The following PFDN1 variants were observed in gnomAD, a reference collection of about 807,000 sequenced individuals.
The protein encoded by PFDN1 is prefoldin 1.
A neutral mutation model predicts 17.3 loss-of-function variants in PFDN1; 6 were observed. That is an observed-to-expected ratio of 0.35 (90% CI 0.19 to 0.69). The LOEUF (loss-of-function observed/expected upper bound fraction) is 0.69, where lower values mean the gene tolerates loss of function less well. PFDN1 is among the 30% of genes least tolerant of loss of function. The probability of loss-of-function intolerance (pLI) is 0.65; values close to 1 mark genes in which losing one functional copy is unlikely to be tolerated. For missense variants in PFDN1, 113 were observed against 146.2 expected, an observed-to-expected ratio of 0.77 and a Z score of 1.17; for synonymous variants, 58 against 50.1, an observed-to-expected ratio of 1.16 and a Z score of -0.67.
intron 2 of PFDN1, among the ~76,000 whole-genome samples, chr5:140,296,508 CA>C (rs1765656544): frequency 6.6e-6 from 1 of 151,994 alleles, no homozygotes; most frequent in East Asian, 1.9e-4. Flanking sequence ...GAGTCTGCCC[CA>C]GGGGCTGAAA....
chr5:140,255,410 C>A (rs1764971577), intron 3 of PFDN1, among the ~76,000 whole-genome samples: 1 of 152,110 alleles, frequency 6.6e-6, no homozygotes, highest in African/African-American at 2.4e-5. Context: ...ATTTACAGAA[C>A]CCTGGCCGAG....
chr5:140,294,727 A>G (rs1356714489), intron 2 of PFDN1, among the ~76,000 whole-genome samples: 3 of 152,056 alleles, frequency 2.0e-5, no homozygotes, highest in Non-Finnish European at 4.4e-5. Context: ...TCAGGAATAC[A>G]CCTACTGTTT....
chr5:140,267,765 G>C (rs1282522239), intron 3 of PFDN1, among the ~76,000 whole-genome samples: 1 of 143,056 alleles, frequency 7.0e-6, no homozygotes, highest in Non-Finnish European at 1.5e-5. Flanking sequence ...AAAAAAAAAC[G>C]CTAGTCATCA....
At chr5:140,262,809 G>T (rs910700071) in intron 3 of PFDN1, among the ~76,000 whole-genome samples, 1 of 151,490 alleles carries the variant, frequency 6.6e-6, no homozygotes, top group Admixed American at 6.6e-5. Context: ...AACCAAAAAG[G>T]TAAATATTAC....
In PFDN1 at chr5:140,294,363, T is replaced by C. The variant is rs1412271483; in HGVS notation, c.200+6053A>G. Among the ~76,000 whole-genome samples, 3 of 152,186 alleles carry C rather than the reference T, an allele frequency of 2.0e-5. No individual in the cohort carries two copies. In the East Asian group the frequency reaches 5.8e-4, roughly 29 times the overall value. On this transcript the variant is annotated intron_variant, in intron 2 of 3. Coordinates refer to ENST00000261813, the MANE Select transcript of PFDN1 (RefSeq NM_002622.5). ...TTCCTAATCTCTTAGCAATAAAATATAGTATGACCATTTCTTCAGTTTTAA... is the reference window on the plus strand; with the variant it reads ...TTCCTAATCTCTTAGCAATAAAATACAGTATGACCATTTCTTCAGTTTTAA...
At chr5:140,261,975 AC>A (rs1484090174) in intron 3 of PFDN1, among the ~76,000 whole-genome samples, 2 of 151,908 alleles carry the variant, frequency 1.3e-5, no homozygotes, top group African/African-American at 4.8e-5. Flanking sequence ...CCAACTCCAC[AC>A]CCACTAAGTT....
chr5:140,253,289 C>A (rs1764941658), intron 3 of PFDN1, among the ~76,000 whole-genome samples: 1 of 152,150 alleles, frequency 6.6e-6, no homozygotes, highest in Admixed American at 6.5e-5. Flanking sequence ...GACAGACTGA[C>A]ACTGCTACCA....
chr5:140,290,963 T>C (rs1191914456), intron 2 of PFDN1, among the ~76,000 whole-genome samples: 1 of 152,182 alleles, frequency 6.6e-6, no homozygotes, highest in East Asian at 1.9e-4. Context: ...GTGTGGGTGC[T>C]GGTTAGGTGT....
At chr5:140,286,611 GGGGGGGGGGC>G (rs1765497329) in intron 2 of PFDN1, among the ~76,000 whole-genome samples, 1 of 52,264 alleles carries the variant, frequency 1.9e-5, no homozygotes, top group Non-Finnish European at 4.6e-5. Context: ...GGGGGGGGGG[GGGGGGGGGGC>G]GGGGGAGACA....
intron 3 of PFDN1, among the ~76,000 whole-genome samples, chr5:140,278,557 C>CAAA (rs113129230): frequency 3.8e-4 from 30 of 79,008 alleles, no homozygotes; most frequent in East Asian, 2.4e-3. Context: ...GACTCTGTCT[C>CAAA]AAAAAAAAAA....
intron 3 of PFDN1, among the ~76,000 whole-genome samples, chr5:140,273,019 TTTC>T (rs1420929040): frequency 6.6e-6 from 1 of 152,114 alleles, no homozygotes; most frequent in Non-Finnish European, 1.5e-5. Flanking sequence ...CCTGCCCTCC[TTTC>T]TTCATTGAAA....
intron 2 of PFDN1, among the ~76,000 whole-genome samples, chr5:140,294,388 A>C (rs1765623297): frequency 6.6e-6 from 1 of 152,058 alleles, no homozygotes; most frequent in Non-Finnish European, 1.5e-5. Context: ...TTCAGTTTTA[A>C]AATTACCTGA....
intron 3 of PFDN1, among the ~76,000 whole-genome samples, chr5:140,251,507 C>G (rs1350184152): frequency 6.6e-6 from 1 of 152,186 alleles, no homozygotes; most frequent in Admixed American, 6.5e-5. Flanking sequence ...CGATGTCAGC[C>G]TCAGGGCTGC....
At chr5:140,302,612 G>A (rs1158198875) in intron 1 of PFDN1, among the ~76,000 whole-genome samples, 2 of 152,174 alleles carry the variant, frequency 1.3e-5, no homozygotes, top group Non-Finnish European at 1.5e-5. Flanking sequence ...CGAATAAATG[G>A]CCTAAAAACA....
intron 3 of PFDN1, among the ~76,000 whole-genome samples, chr5:140,266,948 G>A (rs369199785): frequency 1.9e-4 from 29 of 152,356 alleles, no homozygotes; most frequent in African/African-American, 6.7e-4. Flanking sequence ...ACATGCAGGT[G>A]TACTGGAATC....
At chr5:140,266,951 C>T (rs1252781912) in intron 3 of PFDN1, among the ~76,000 whole-genome samples, 1 of 152,184 alleles carries the variant, frequency 6.6e-6, no homozygotes, top group African/African-American at 2.4e-5. Context: ...TGCAGGTGTA[C>T]TGGAATCACA....
At chr5:140,246,095 T>C (rs910287509) in intron 3 of PFDN1, 38 bp from the exon 4 acceptor site, 9 of 1,246,946 alleles carry the variant, frequency 7.2e-6, no homozygotes, top group Non-Finnish European at 1.0e-5. Context: ...AGGACCAGAG[T>C]GAATGGGCCG....
intron 3 of PFDN1, 164 bp downstream of exon 3, chr5:140,281,285 G>A (rs1423976341): frequency 2.6e-5 from 14 of 533,848 alleles, no homozygotes; most frequent in Non-Finnish European, 4.0e-5. Flanking sequence ...TCTTATATGC[G>A]CTATGAATAT....
At chr5:140,246,893 G>C (rs557781707) in intron 3 of PFDN1, among the ~76,000 whole-genome samples, 2 of 152,304 alleles carry the variant, frequency 1.3e-5, no homozygotes, top group African/African-American at 4.8e-5. Flanking sequence ...CTCCGTTTTA[G>C]AGGAATACTA....
Sources: allele counts gnomAD v4.1 joint callset (sites outside exome capture counted in the v4.1 genomes callset), GRCh38; gene constraint gnomAD v4.1.1; transcripts MANE v1.5; gene names NCBI Gene and HGNC (gene_info 2026-07-23, HGNC 2026-07-21).